FANCC: variants seen among roughly 807,000 people sequenced by gnomAD.
FANCC encodes FA complementation group C, also known as Fanconi anemia group C protein.
FANCC carries 55 observed loss-of-function variants against 71.3 expected under a neutral mutation model. The observed-to-expected ratio is 0.77, with a 90% CI of 0.62 to 0.97. FANCC has a LOEUF of 0.97. Ranked by LOEUF, FANCC falls within the 50% of genes least tolerant of loss-of-function variation. The probability of loss-of-function intolerance (pLI) is 0.00; values close to 1 mark genes in which losing one functional copy is unlikely to be tolerated. For missense variants in FANCC, 678 were observed against 670.9 expected (o/e 1.01, Z -0.12); for synonymous variants, 275 against 244.9 (o/e 1.12, Z -1.15).
At chr9:95,171,903 C>A (rs540042816) in intron 5 of FANCC, 134 bp downstream of exon 5, 1 of 675,446 alleles carries the variant, frequency 1.5e-6, no homozygotes, top group African/African-American at 1.8e-5. Flanking sequence ...CATAAGTCTG[C>A]CCAAGGTAAG....
intron 12 of FANCC, among the ~76,000 whole-genome samples, chr9:95,112,280 TG>T (rs2072006707): frequency 6.6e-6 from 1 of 152,208 alleles, no homozygotes; most frequent in Non-Finnish European, 1.5e-5. Context: ...TTGGAGAGGA[TG>T]GAACAGACCA....
intron 10 of FANCC, among the ~76,000 whole-genome samples, chr9:95,119,589 C>A (rs1166869493): frequency 1.3e-5 from 2 of 152,172 alleles, no homozygotes; most frequent in African/African-American, 4.8e-5. Context: ...TGGTCTTGAT[C>A]TCTTGAACTC....
At chr9:95,119,355 TCTTC>T (rs1322518710) in intron 10 of FANCC, among the ~76,000 whole-genome samples, 5 of 122,392 alleles carry the variant, frequency 4.1e-5, no homozygotes, top group Admixed American at 3.0e-4. Context: ...GTTCCTTCTT[TCTTC>T]CTTTTCTTTT....
chr9:95,290,068 C>A (rs1487030458), intron 1 of FANCC, among the ~76,000 whole-genome samples: 1 of 152,174 alleles, frequency 6.6e-6, no homozygotes, highest in Non-Finnish European at 1.5e-5. Context: ...CTCTAAAAAA[C>A]GTTTGGCAAT....
rs73539228 is a variant in FANCC, at chr9:95,292,672, A to G, written c.-79+24854T>C. ...CTGGTCAAGAGCCACCGCATGCAGT[A>G]TAGCACAGTCAATCCAATAATAAGA... On this transcript the variant is annotated intron_variant, in intron 1 of 14. Transcript: ENST00000289081. The G allele has an allele frequency of 4.6e-3, 6,275 of 1,352,514 alleles. 259 individuals are homozygous for G. The African/African-American group carries it at 0.081, about 17-fold the overall frequency. The allele number at this position is 1,352,514 out of a possible 1,614,324, so 83.8% of individuals were successfully genotyped here.
At chr9:95,291,458 C>G (rs1564832750) in intron 1 of FANCC, among the ~76,000 whole-genome samples, 1 of 151,332 alleles carries the variant, frequency 6.6e-6, no homozygotes, top group Non-Finnish European at 1.5e-5. Context: ...AAAAATAAAT[C>G]AAGAAAGCAA....
chr9:95,287,660 G>A (rs961404322), intron 1 of FANCC, among the ~76,000 whole-genome samples: 7 of 152,198 alleles, frequency 4.6e-5, no homozygotes, highest in Non-Finnish European at 8.8e-5. Context: ...GATGCTGGAT[G>A]AACTGAACAT....
chr9:95,227,658 A>G (rs1829706767), intron 4 of FANCC, among the ~76,000 whole-genome samples: 1 of 152,132 alleles, frequency 6.6e-6, no homozygotes, highest in South Asian at 2.1e-4. Context: ...ATATTTACAT[A>G]TGTGTCCCCC....
intron 6 of FANCC, among the ~76,000 whole-genome samples, chr9:95,168,609 C>A (rs1441993960): frequency 1.3e-5 from 2 of 152,228 alleles, no homozygotes; most frequent in Non-Finnish European, 2.9e-5. Flanking sequence ...CAGCTCACTG[C>A]AACCTCCACC....
chr9:95,303,118 C>T (rs1462209235), intron 1 of FANCC, among the ~76,000 whole-genome samples: 1 of 152,206 alleles, frequency 6.6e-6, no homozygotes, highest in Non-Finnish European at 1.5e-5. Flanking sequence ...GGTTCTGGCT[C>T]TATCTGTCCA....
chr9:95,142,707 G>A (rs1828947978), intron 7 of FANCC, among the ~76,000 whole-genome samples: 1 of 152,126 alleles, frequency 6.6e-6, no homozygotes, highest in Admixed American at 6.5e-5. Flanking sequence ...TCTCAGAAGT[G>A]GCATGGTCTA....
intron 3 of FANCC, among the ~76,000 whole-genome samples, chr9:95,241,614 G>C (rs970058798): frequency 1.1e-4 from 16 of 152,136 alleles, no homozygotes; most frequent in Non-Finnish European, 1.5e-5. Context: ...CCGGTGCCTG[G>C]AATCAGTACT....
At chr9:95,140,476 A>AAAAAC (rs3837275) in intron 7 of FANCC, among the ~76,000 whole-genome samples, 29,300 of 151,704 alleles carry the variant, frequency 0.19, 2,922 homozygotes, top group Middle Eastern at 0.3. Context: ...ATAGCTACAA[A>AAAAAC]AAAACAAAAC....
chr9:95,139,825 T>G (rs1179011748), intron 7 of FANCC, among the ~76,000 whole-genome samples: 1 of 146,272 alleles, frequency 6.8e-6, no homozygotes, highest in East Asian at 2.0e-4. Context: ...AAAATGAATA[T>G]ATATATATTT....
rs562482427 is a variant in FANCC at position 95,130,213 on chromosome 9, G to GA, written c.844-3633dup. Among the ~76,000 whole-genome samples the GA allele has an allele frequency of 8.0e-4, 122 of 152,170 alleles. No homozygotes were observed. The South Asian group carries it at 0.01, about 12-fold the overall frequency. ...GATTATTACAAGCCACTTGCCACTT[G>GA]AAAGAGGCCTGAGAACAAGAAGAAC... On this transcript the variant is annotated intron_variant, in intron 8 of 14. Coordinates refer to ENST00000289081, the MANE Select transcript of FANCC (RefSeq NM_000136.3).
At chr9:95,304,464 G>A (rs1180516981) in intron 1 of FANCC, among the ~76,000 whole-genome samples, 1 of 151,818 alleles carries the variant, frequency 6.6e-6, no homozygotes, top group Non-Finnish European at 1.5e-5. Flanking sequence ...AAAAAAAGGG[G>A]GCCAGGAGTG....
At position 95,101,243 on chromosome 9, in the gene FANCC, G is replaced by C. The variant is rs543174450; in HGVS notation, c.*464C>G. The stretch of plus-strand genomic sequence containing the variant: ...AAGAATTTCTCCATACAGCAAGACA[G>C]TGTGGCTTTATCCCAGATCCCTGAC... On this transcript the variant is annotated 3_prime_UTR_variant, in exon 15 of 15. Coordinates refer to ENST00000289081, the MANE Select transcript of FANCC (RefSeq NM_000136.3). The C allele has an allele frequency of 3.1e-5, 9 of 288,670 alleles. No homozygotes were observed. Among genetic ancestry groups the C allele is most frequent in the African/African-American group, 1.7e-4 (8 of 47,340 alleles). The allele number at this position is 288,670 out of a possible 1,614,324, so 17.9% of individuals were successfully genotyped here.
chr9:95,136,111 C>T (rs775087129), intron 7 of FANCC, among the ~76,000 whole-genome samples: 2 of 152,134 alleles, frequency 1.3e-5, no homozygotes, highest in Admixed American at 6.5e-5. Context: ...AATTTCAAGG[C>T]CAGATGCAGT....
chr9:95,109,251 C>T (rs1164187881), intron 13 of FANCC, among the ~76,000 whole-genome samples: 1 of 152,142 alleles, frequency 6.6e-6, no homozygotes, highest in East Asian at 1.9e-4. Flanking sequence ...GAATGCTATT[C>T]CATGGTTAGG....
Sources: allele counts gnomAD v4.1 joint callset (sites outside exome capture counted in the v4.1 genomes callset), GRCh38; gene constraint gnomAD v4.1.1; transcripts MANE v1.5; gene names NCBI Gene and HGNC (gene_info 2026-07-23, HGNC 2026-07-21).